SDK1: variants seen among roughly 807,000 people sequenced by gnomAD.
The protein encoded by SDK1 is sidekick cell adhesion molecule 1.
Under a neutral mutation model 245.5 loss-of-function variants are expected in SDK1, and 157 were observed. The ratio of observed to expected loss-of-function variants is 0.64; its 90% CI spans 0.56 to 0.73. The LOEUF (loss-of-function observed/expected upper bound fraction) is 0.73. SDK1 is among the 30% of genes least tolerant of loss of function. The pLI is 0.00. For missense variants in SDK1, 3,583 were observed against 3,002.3 expected (o/e 1.19, Z -4.52); for synonymous variants, 1,647 against 1,278.5 (o/e 1.29, Z -6.15).
At chr7:3,552,413 A>G (rs1431408223) in intron 1 of SDK1, among the ~76,000 whole-genome samples, 1 of 152,072 alleles carries the variant, frequency 6.6e-6, no homozygotes, top group Non-Finnish European at 1.5e-5. Context: ...TGTTGAATGA[A>G]TGCTCACTCA....
intron 4 of SDK1, among the ~76,000 whole-genome samples, chr7:3,770,386 TAC>T (rs1345188266): frequency 5.3e-5 from 8 of 152,210 alleles, no homozygotes; most frequent in Non-Finnish European, 1.2e-4. Flanking sequence ...CTGGGATATT[TAC>T]AGTTTTGGGC....
At chr7:3,499,743 C>T (rs1782138151) in intron 1 of SDK1, among the ~76,000 whole-genome samples, 1 of 152,138 alleles carries the variant, frequency 6.6e-6, no homozygotes, top group African/African-American at 2.4e-5. Flanking sequence ...CCTGTTTTTC[C>T]CTGGAGTTTA....
rs993207564 is a variant in SDK1 at position 3,482,175 on chromosome 7, G to A, written c.299-136905G>A. ...CACATAGTTTTACAGTCTATTCATC[G>A]ATCAGATACCTTAAACTACCTACCT... On this transcript the variant is annotated intron_variant, in intron 1 of 44. Coordinates refer to ENST00000404826, the MANE Select transcript of SDK1 (RefSeq NM_152744.4). Among the ~76,000 whole-genome samples, 7 of 152,096 alleles carry A rather than the reference G, an allele frequency of 4.6e-5. No homozygotes were observed. The East Asian group carries it at 5.8e-4, about 13-fold the overall frequency.
At chr7:3,695,612 A>T (rs1458044101) in intron 4 of SDK1, among the ~76,000 whole-genome samples, 1 of 152,248 alleles carries the variant, frequency 6.6e-6, no homozygotes, top group African/African-American at 2.4e-5. Flanking sequence ...CTTTGATATG[A>T]ATATCCTTGC....
intron 2 of SDK1, among the ~76,000 whole-genome samples, chr7:3,633,150 A>G (rs191312590): frequency 1.2e-3 from 179 of 152,168 alleles, no homozygotes; most frequent in African/African-American, 4.0e-3. Context: ...TTGGTTGCTT[A>G]TTTTCATGGA....
chr7:3,823,964 T>G lies in SDK1; in HGVS notation c.847+2381T>G, dbSNP rs1359192369. On this transcript the variant is annotated intron_variant, in intron 5 of 44. Coordinates refer to ENST00000404826, the MANE Select transcript of SDK1 (RefSeq NM_152744.4). ...TTTGTTTTTTTGTGTTTTTTTTTTTTGTTTTTTTTTCTGCTAAAAGTTTTA... is the reference window on the plus strand; with the variant it reads ...TTTGTTTTTTTGTGTTTTTTTTTTTGGTTTTTTTTTCTGCTAAAAGTTTTA... Among the ~76,000 whole-genome samples the G allele has an allele frequency of 1.1e-4, 16 of 149,988 alleles. 1 individual carries two copies. The highest frequency in any genetic ancestry group is 3.4e-3 in the Middle Eastern group (1 of 292).
chr7:3,400,492 A>T (rs1043966554), intron 1 of SDK1, among the ~76,000 whole-genome samples: 5 of 152,146 alleles, frequency 3.3e-5, no homozygotes, highest in African/African-American at 1.2e-4. Context: ...GCCTTTACCC[A>T]TTTTATCAAC....
chr7:3,424,068 T>C (rs11982548), intron 1 of SDK1, among the ~76,000 whole-genome samples: 28,423 of 152,010 alleles, frequency 0.19, 4,749 homozygotes, highest in African/African-American at 0.45. Context: ...CGCGCCACCA[T>C]GCCTAGCTAA....
At chr7:3,798,302 C>G (rs572467039) in intron 4 of SDK1, among the ~76,000 whole-genome samples, 2 of 143,550 alleles carry the variant, frequency 1.4e-5, no homozygotes, top group Admixed American at 7.5e-5. Context: ...ACTGCAAGCT[C>G]TACCTCCTGG....
At chr7:3,904,527 C>G (rs1035649979) in intron 5 of SDK1, among the ~76,000 whole-genome samples, 5 of 151,996 alleles carry the variant, frequency 3.3e-5, no homozygotes, top group Non-Finnish European at 7.4e-5. Context: ...GACCCTGTCT[C>G]TACAAGAAAT....
intron 4 of SDK1, among the ~76,000 whole-genome samples, chr7:3,751,025 G>GC (rs1415642870): frequency 6.6e-6 from 1 of 152,080 alleles, no homozygotes; most frequent in Non-Finnish European, 1.5e-5. Context: ...GAGTGGGCCT[G>GC]CCCCCCACCA....
At chr7:3,616,796 T>G (rs941040388) in intron 1 of SDK1, among the ~76,000 whole-genome samples, 2 of 152,214 alleles carry the variant, frequency 1.3e-5, no homozygotes, top group African/African-American at 2.4e-5. Flanking sequence ...GCAACTAGTT[T>G]CAGTGTTAAC....
intron 4 of SDK1, among the ~76,000 whole-genome samples, chr7:3,804,522 C>CT (rs1779192060): frequency 6.6e-6 from 1 of 152,030 alleles, no homozygotes; most frequent in Admixed American, 6.6e-5. Flanking sequence ...CTTTTTGCTT[C>CT]TTTTTCAAAA....
At chr7:4,228,079 T>C (rs1785544056) in intron 40 of SDK1, among the ~76,000 whole-genome samples, 1 of 152,252 alleles carries the variant, frequency 6.6e-6, no homozygotes, top group Non-Finnish European at 1.5e-5. Flanking sequence ...TCATATTCTT[T>C]AAAGAAAAGC....
Position 4,266,833 on chromosome 7 carries a change from GAC to G in SDK1, c.*1457_*1458del, listed in dbSNP as rs918473631. 2.9e-5 allele frequency: 29 copies of G among 985,466 alleles called. No homozygotes were observed. Among genetic ancestry groups the G allele is most frequent in the Non-Finnish European group, 1.2e-6 (1 of 830,066 alleles). The allele number at this position is 985,466 out of a possible 1,614,324, so 61.0% of individuals were successfully genotyped here. A position where few individuals can be genotyped will look rare whatever the true frequency, so the allele number is the denominator to read the frequency against. ...AGTGCCCCCTCACCAGCAGCAGCGT[GAC>G]ACACACAAGACTCAAGACCACCCTG... On this transcript the variant is annotated 3_prime_UTR_variant, in exon 45 of 45. Coordinates refer to ENST00000404826, the MANE Select transcript of SDK1 (RefSeq NM_152744.4).
At chr7:3,718,521 CAATAAATA>C (rs55995629) in intron 4 of SDK1, among the ~76,000 whole-genome samples, 1,877 of 134,000 alleles carry the variant, frequency 0.014, 21 homozygotes, top group African/African-American at 0.017. Context: ...AACTGTATCT[CAATAAATA>C]AATAAATAAA....
intron 1 of SDK1, among the ~76,000 whole-genome samples, chr7:3,364,400 A>G (rs1274727487): frequency 6.6e-6 from 1 of 152,204 alleles, no homozygotes; most frequent in Non-Finnish European, 1.5e-5. Flanking sequence ...GGTTTCTTTT[A>G]AAAGTTCTGT....
At chr7:3,754,752 A>C (rs1779872222) in intron 4 of SDK1, among the ~76,000 whole-genome samples, 1 of 151,540 alleles carries the variant, frequency 6.6e-6, no homozygotes, top group Non-Finnish European at 1.5e-5. Context: ...ACATGATGAA[A>C]GAAAGTCTCA....
At chr7:3,398,897 C>T (rs1164365152) in intron 1 of SDK1, among the ~76,000 whole-genome samples, 1 of 151,762 alleles carries the variant, frequency 6.6e-6, no homozygotes, top group African/African-American at 2.4e-5. Context: ...TTTTGTGTCT[C>T]CAGTTTTCAG....
Sources: allele counts gnomAD v4.1 joint callset (sites outside exome capture counted in the v4.1 genomes callset), GRCh38; gene constraint gnomAD v4.1.1; transcripts MANE v1.5; gene names NCBI Gene and HGNC (gene_info 2026-07-23, HGNC 2026-07-21).